AAK1: variants seen among roughly 807,000 people sequenced by gnomAD.
The protein encoded by AAK1 is AP2-associated protein kinase 1.
A neutral mutation model predicts 116.0 loss-of-function variants in AAK1; 37 were observed. The ratio of observed to expected loss-of-function variants is 0.32; its 90% confidence interval spans 0.25 to 0.42. The LOEUF is 0.42. Ranked by LOEUF, AAK1 falls within the 10% of genes least tolerant of loss-of-function variation. The probability of loss-of-function intolerance (pLI) is 1.00; values close to 1 mark genes in which losing one functional copy is unlikely to be tolerated. For missense variants in AAK1, 919 were observed against 1,170.6 expected (o/e 0.79, Z 3.14); for synonymous variants, 458 against 439.9 (o/e 1.04, Z -0.51).
At chr2:69,631,440 A>T (rs1057460404) in intron 2 of AAK1, among the ~76,000 whole-genome samples, 1 of 152,248 alleles carries the variant, frequency 6.6e-6, no homozygotes, top group African/African-American at 2.4e-5. Context: ...AATAATAGAT[A>T]CCATGAGCTC....
intron 2 of AAK1, among the ~76,000 whole-genome samples, chr2:69,640,702 C>T (rs373706965): frequency 2.0e-5 from 3 of 152,178 alleles, no homozygotes; most frequent in East Asian, 1.9e-4. Context: ...ACAAAAAGGG[C>T]GCATAGCCAG....
In AAK1 at chr2:69,473,744, T is replaced by A; in HGVS notation, c.*2125A>T. 7.2e-6 allele frequency: 7 copies of A among 974,018 alleles called. No individual in the cohort carries two copies. The highest frequency in any genetic ancestry group is 8.5e-6 in the Non-Finnish European group (7 of 819,188). 60.3% of individuals were successfully genotyped at this position (974,018 alleles called of 1,614,324 possible). On this transcript the variant is annotated 3_prime_UTR_variant, in exon 22 of 22. Transcript: ENST00000409085. ...TTCTAACATGTATATACGAAAAAAA[T>A]CAAATATGAAAACATAGAACTCAAA...
intron 17 of AAK1, among the ~76,000 whole-genome samples, chr2:69,485,690 G>C (rs10174464): frequency 6.7e-6 from 1 of 148,312 alleles, no homozygotes. Context: ...TGGGAGTTTC[G>C]CTCTTGTCGC....
chr2:69,560,576 G>A (rs1671592129), intron 2 of AAK1, among the ~76,000 whole-genome samples: 2 of 152,226 alleles, frequency 1.3e-5, no homozygotes. Flanking sequence ...GATCTATTAT[G>A]TGAAGCAAGC....
intron 10 of AAK1, among the ~76,000 whole-genome samples, chr2:69,522,828 GA>G (rs1205472341): frequency 6.6e-6 from 1 of 151,294 alleles, no homozygotes; most frequent in African/African-American, 2.4e-5. Context: ...AGGAAAAAAA[GA>G]AAAAGCCAAG....
intron 17 of AAK1, among the ~76,000 whole-genome samples, chr2:69,488,470 C>T (rs1207277452): frequency 6.6e-6 from 1 of 151,964 alleles, no homozygotes; most frequent in East Asian, 1.9e-4. Flanking sequence ...TTTAAGTTGC[C>T]TGATTTTTCT....
chr2:69,468,807 G>T lies in AAK1; in HGVS notation c.*7062C>A. ...GTGTATGTGCCCATATTCAGGGTTG[G>T]AGAGGATGGAAGAACATGTCTAACC... On this transcript the variant is annotated 3_prime_UTR_variant, in exon 22 of 22. Coordinates refer to ENST00000409085, the MANE Select transcript of AAK1 (RefSeq NM_014911.5). 2 of 985,392 alleles carry T rather than the reference G, an allele frequency of 2.0e-6. No individual in the cohort carries two copies. Among genetic ancestry groups the T allele is most frequent in the African/African-American group, 3.5e-5 (2 of 57,332 alleles). The allele number at this position is 985,392 out of a possible 1,614,324, so 61.0% of individuals were successfully genotyped here. A position where few individuals can be genotyped will look rare whatever the true frequency, so the allele number is the denominator to read the frequency against.
chr2:69,479,590 G>A (rs1488018850), intron 19 of AAK1, among the ~76,000 whole-genome samples: 1 of 152,108 alleles, frequency 6.6e-6, no homozygotes, highest in Non-Finnish European at 1.5e-5. Flanking sequence ...AACTGATTAG[G>A]AGAGGGTTGC....
rs1322095350 is a variant in AAK1 at position 69,514,572 on chromosome 2, G to C, written c.1675C>G (p.Gln559Glu). The change falls in exon 13 of 22, where the codon CAG (glutamine) becomes GAG (glutamate). Residue 559 changes from glutamine to glutamate, a missense_variant. This residue lies in a region of AAK1 where 214 missense variants were observed against 210.6 expected (regional missense o/e 1.02). Transcript: ENST00000409085. ...GGCTTTTGCTGCAAGGCAGCCTGCT[G>C]AGTCATCAGCTGTTGTTGATGCAGG... is the stretch of plus-strand genomic sequence containing the variant. The part of the protein sequence containing the change: ...TALHQQQLMT[Q>E]QAALQQKPTM... The C allele has an allele frequency of 3.8e-6, 6 of 1,568,620 alleles. No individual in the cohort carries two copies. In the African/African-American group the frequency reaches 6.8e-5, roughly 18 times the overall value.
At chr2:69,557,111 C>T in intron 2 of AAK1, 133 bp from the exon 3 acceptor site, 1 of 669,284 alleles carries the variant, frequency 1.5e-6, no homozygotes, top group Non-Finnish European at 2.7e-6. Flanking sequence ...TTAGGGCTAG[C>T]CTGTTGTAGA....
At chr2:69,604,518 C>G (rs910290419) in intron 2 of AAK1, among the ~76,000 whole-genome samples, 2 of 152,172 alleles carry the variant, frequency 1.3e-5, no homozygotes, top group Non-Finnish European at 1.5e-5. Flanking sequence ...CTTGCCCCAC[C>G]ATAGTATCAG....
At position 69,527,457 on chromosome 2, in the gene AAK1, C is replaced by A. The variant is rs951306877; in HGVS notation, c.872-138G>T. ...ATAGAAGTCAGACAGTATAATTATC[C>A]CCTTTTCTCTCCCTTAGAAAGAGAA... On this transcript the variant is annotated intron_variant, in intron 8 of 21. Transcript: ENST00000409085. 5 of 596,704 alleles carry A rather than the reference C, an allele frequency of 8.4e-6. No individual in the cohort carries two copies. The African/African-American group carries it at 9.3e-5, about 11-fold the overall frequency. The allele number at this position is 596,704 out of a possible 1,614,324, so 37.0% of individuals were successfully genotyped here.
intron 5 of AAK1, among the ~76,000 whole-genome samples, chr2:69,533,640 T>C (rs889299839): frequency 2.6e-5 from 4 of 152,234 alleles, no homozygotes; most frequent in African/African-American, 9.6e-5. Flanking sequence ...CTTACATTCC[T>C]TGGAACTTAA....
At chr2:69,484,883 T>A (rs912105602) in intron 17 of AAK1, among the ~76,000 whole-genome samples, 5 of 143,164 alleles carry the variant, frequency 3.5e-5, no homozygotes, top group East Asian at 4.1e-4. Context: ...AAAAAAATAA[T>A]AATAATAAAT....
intron 17 of AAK1, among the ~76,000 whole-genome samples, chr2:69,487,405 G>T (rs1209997407): frequency 1.3e-5 from 2 of 152,214 alleles, no homozygotes; most frequent in African/African-American, 4.8e-5. Flanking sequence ...GAACAGCACA[G>T]AGAAGAGAGT....
rs1463645216 is a variant in AAK1 at position 69,471,027 on chromosome 2, T to C, written c.*4842A>G. 2.0e-6 allele frequency: 2 copies of C among 985,666 alleles called. No homozygotes were observed. Among genetic ancestry groups the C allele is most frequent in the Non-Finnish European group, 2.4e-6 (2 of 829,884 alleles). 61.1% of individuals were successfully genotyped at this position (985,666 alleles called of 1,614,324 possible). ...TGTGCAGCAATGTTCAAATTTCACG[T>C]TTTTACTGCATAAGATATCTTCATG... On this transcript the variant is annotated 3_prime_UTR_variant, in exon 22 of 22. Coordinates refer to ENST00000409085, the MANE Select transcript of AAK1 (RefSeq NM_014911.5).
chr2:69,490,738 T>C lies in AAK1; in HGVS notation c.2365+5247A>G, dbSNP rs142510227. On this transcript the variant is annotated intron_variant, in intron 17 of 21. Coordinates refer to ENST00000409085, the MANE Select transcript of AAK1 (RefSeq NM_014911.5). ...TGAAAAAAGGTGGGTGGATGGATGG[T>C]AGTGATGGCTGCAAAACAATGAGAA... 5.0e-3 allele frequency among the ~76,000 whole-genome samples: 767 copies of C among 152,172 alleles called. 6 individuals carry two copies. The highest frequency in any genetic ancestry group is 0.018 in the African/African-American group (732 of 41,526).
At chr2:69,613,727 C>A (rs1412473041) in intron 2 of AAK1, among the ~76,000 whole-genome samples, 1 of 152,230 alleles carries the variant, frequency 6.6e-6, no homozygotes, top group African/African-American at 2.4e-5. Flanking sequence ...GGCATGCAAG[C>A]TCCATGCCCC....
At chr2:69,615,341 G>C (rs1366149882) in intron 2 of AAK1, among the ~76,000 whole-genome samples, 2 of 152,182 alleles carry the variant, frequency 1.3e-5, no homozygotes, top group African/African-American at 4.8e-5. Flanking sequence ...GAGACACAGA[G>C]GATGGGAGGC....
Sources: allele counts gnomAD v4.1 joint callset (sites outside exome capture counted in the v4.1 genomes callset), GRCh38; gene constraint gnomAD v4.1.1; regional missense constraint gnomAD v4.1.1; transcripts MANE v1.5; gene names NCBI Gene and HGNC (gene_info 2026-07-23, HGNC 2026-07-21).